ITGBL1: variants seen among roughly 807,000 people sequenced by gnomAD.
ITGBL1 encodes the protein integrin beta-like protein 1.
ITGBL1 carries 51 observed loss-of-function variants against 68.5 expected under a neutral mutation model. The ratio of observed to expected loss-of-function variants is 0.74; its 90% CI spans 0.59 to 0.94. ITGBL1 has a LOEUF of 0.94. ITGBL1 is among the 40% of genes least tolerant of loss of function. ITGBL1 has a pLI of 0.00. For synonymous variants in ITGBL1, 209 were observed against 227.3 expected, an observed-to-expected ratio of 0.92 and a Z score of 0.72; for missense variants, 649 against 647.4, an observed-to-expected ratio of 1.00 and a Z score of -0.03.
chr13:101,659,092 G>A (rs1162578082), intron 7 of ITGBL1, among the ~76,000 whole-genome samples: 1 of 136,226 alleles, frequency 7.3e-6, no homozygotes, highest in Admixed American at 8.0e-5. Flanking sequence ...TGCCCAGGCT[G>A]GAGAGCTGGA....
At chr13:101,699,827 A>G (rs2034093390) in intron 8 of ITGBL1, among the ~76,000 whole-genome samples, 2 of 152,236 alleles carry the variant, frequency 1.3e-5, no homozygotes, top group Admixed American at 6.5e-5. Context: ...TTGGTGAGAC[A>G]AAAGATGAAT....
rs199730510 is a variant in ITGBL1, at chr13:101,708,369, C to CT, written c.1279+1477dup. ...GTATCCTCTTTACACCACAGACACACTTTTTTTTTTCTGACAAGGCACAGC... is the reference window on the plus strand; with the variant it reads ...GTATCCTCTTTACACCACAGACACACTTTTTTTTTTTCTGACAAGGCACAGC... On this transcript the variant is annotated intron_variant, in intron 9 of 10. Coordinates refer to ENST00000376180, the MANE Select transcript of ITGBL1 (RefSeq NM_004791.3). Among the ~76,000 whole-genome samples the CT allele has an allele frequency of 6.2e-3, 926 of 150,282 alleles. 11 individuals carry two copies. Among genetic ancestry groups the CT allele is most frequent in the East Asian group, 0.052 (268 of 5,110 alleles).
At chr13:101,560,371 A>C (rs1393674349) in intron 2 of ITGBL1, among the ~76,000 whole-genome samples, 1 of 152,208 alleles carries the variant, frequency 6.6e-6, no homozygotes, top group African/African-American at 2.4e-5. Flanking sequence ...CTAAGTGTTC[A>C]AATTAAAATA....
chr13:101,698,887 C>T (rs1458024214), intron 8 of ITGBL1, among the ~76,000 whole-genome samples: 1 of 152,170 alleles, frequency 6.6e-6, no homozygotes, highest in Non-Finnish European at 1.5e-5. Flanking sequence ...TTTCTTCTTT[C>T]CTCTATACTC....
intron 6 of ITGBL1, among the ~76,000 whole-genome samples, chr13:101,584,691 C>G (rs563250234): frequency 6.6e-6 from 1 of 151,952 alleles, no homozygotes; most frequent in African/African-American, 2.4e-5. Context: ...GTATTTTTTT[C>G]TATTATTAAT....
intron 2 of ITGBL1, among the ~76,000 whole-genome samples, chr13:101,522,399 G>A (rs1296612736): frequency 6.6e-6 from 1 of 152,158 alleles, no homozygotes; most frequent in Non-Finnish European, 1.5e-5. Context: ...CATTGGGCCA[G>A]CCCTGGAGGT....
chr13:101,675,437 A>G (rs2033479006), intron 7 of ITGBL1, among the ~76,000 whole-genome samples: 1 of 152,202 alleles, frequency 6.6e-6, no homozygotes, highest in Non-Finnish European at 1.5e-5. Context: ...TAGAAATCCA[A>G]GACAAAGATT....
At chr13:101,679,935 A>G (rs182224362) in intron 7 of ITGBL1, among the ~76,000 whole-genome samples, 2 of 152,220 alleles carry the variant, frequency 1.3e-5, no homozygotes, top group East Asian at 1.9e-4. Context: ...CACATAGTCC[A>G]TGACTGATTA....
At chr13:101,528,432 G>A (rs1001019133) in intron 2 of ITGBL1, among the ~76,000 whole-genome samples, 4 of 151,402 alleles carry the variant, frequency 2.6e-5, no homozygotes, top group African/African-American at 9.7e-5. Flanking sequence ...GTCAGCTTTT[G>A]GCCTCATTGA....
intron 2 of ITGBL1, among the ~76,000 whole-genome samples, chr13:101,517,846 G>C (rs9300673): frequency 0.12 from 18,280 of 152,138 alleles, 1,607 homozygotes; most frequent in African/African-American, 0.24. Flanking sequence ...ACTCTGTCCT[G>C]GGTGGCTACT....
At chr13:101,599,952 A>G (rs1406112127) in intron 7 of ITGBL1, among the ~76,000 whole-genome samples, 3 of 152,140 alleles carry the variant, frequency 2.0e-5, no homozygotes, top group Non-Finnish European at 2.9e-5. Context: ...ACTTTAAAGT[A>G]GTTTTTTCCA....
intron 7 of ITGBL1, among the ~76,000 whole-genome samples, chr13:101,638,274 C>T (rs2032241891): frequency 6.6e-6 from 1 of 152,114 alleles, no homozygotes; most frequent in South Asian, 2.1e-4. Flanking sequence ...TGCTACATAG[C>T]ATGTGCATGA....
chr13:101,696,088 A>G (rs1232194077), intron 8 of ITGBL1, among the ~76,000 whole-genome samples: 1 of 149,580 alleles, frequency 6.7e-6, no homozygotes, highest in African/African-American at 2.5e-5. Context: ...ATCTCTGTGC[A>G]TATGGGCTGT....
chr13:101,661,861 A>T (rs887080326), intron 7 of ITGBL1, among the ~76,000 whole-genome samples: 1 of 152,222 alleles, frequency 6.6e-6, no homozygotes, highest in Non-Finnish European at 1.5e-5. Context: ...ACGGATAAAA[A>T]TGAACTGCAA....
At chr13:101,656,572 T>TA (rs376396271) in intron 7 of ITGBL1, among the ~76,000 whole-genome samples, 68 of 152,002 alleles carry the variant, frequency 4.5e-4, no homozygotes, top group Middle Eastern at 3.4e-3. Context: ...TTGGGCAAGA[T>TA]AAAAAAAATC....
intron 7 of ITGBL1, among the ~76,000 whole-genome samples, chr13:101,682,313 C>A (rs954064886): frequency 6.6e-6 from 1 of 152,106 alleles, no homozygotes; most frequent in Non-Finnish European, 1.5e-5. Flanking sequence ...GATATACTGA[C>A]TTACCCTATA....
chr13:101,604,511 A>G (rs748435312), intron 7 of ITGBL1, among the ~76,000 whole-genome samples: 2 of 151,740 alleles, frequency 1.3e-5, no homozygotes, highest in African/African-American at 2.4e-5. Flanking sequence ...GCAGGGAATC[A>G]TGACAGTATG....
At chr13:101,600,593 T>C (rs1037949697) in intron 7 of ITGBL1, among the ~76,000 whole-genome samples, 54 of 152,294 alleles carry the variant, frequency 3.5e-4, no homozygotes, top group South Asian at 1.2e-3. Flanking sequence ...ATAGCTCTTA[T>C]TATTTTGAGA....
chr13:101,616,683 G>C (rs1363200931), intron 7 of ITGBL1, among the ~76,000 whole-genome samples: 1 of 152,112 alleles, frequency 6.6e-6, no homozygotes, highest in African/African-American at 2.4e-5. Context: ...TAGAGATGGG[G>C]TTTCACCACA....
Sources: allele counts gnomAD v4.1 joint callset (sites outside exome capture counted in the v4.1 genomes callset), GRCh38; gene constraint gnomAD v4.1.1; transcripts MANE v1.5; gene names NCBI Gene and HGNC (gene_info 2026-07-23, HGNC 2026-07-21).